Variants in NEURL1 observed in about 807,000 individuals in gnomAD.
The protein encoded by NEURL1 is E3 ubiquitin-protein ligase NEURL1.
A neutral mutation model predicts 41.2 loss-of-function variants in NEURL1; 26 were observed. The ratio of observed to expected loss-of-function variants is 0.63; its 90% CI spans 0.46 to 0.87. The LOEUF (loss-of-function observed/expected upper bound fraction) is 0.87, where lower values mean the gene tolerates loss of function less well. NEURL1 is among the 40% of genes least tolerant of loss of function. The probability of loss-of-function intolerance (pLI) is 0.00; values close to 1 mark genes in which losing one functional copy is unlikely to be tolerated. For missense variants in NEURL1, 761 were observed against 871.1 expected (o/e 0.87, Z 1.59); for synonymous variants, 400 against 402.3 (o/e 0.99, Z 0.07).
chr10:103,533,824 C>A (rs2034634037), intron 1 of NEURL1, among the ~76,000 whole-genome samples: 1 of 152,234 alleles, frequency 6.6e-6, no homozygotes, highest in Admixed American at 6.5e-5. Context: ...GCTTGAGCCA[C>A]CGCTCCCGGC....
At chr10:103,575,058 C>T (rs2035631145) in intron 3 of NEURL1, among the ~76,000 whole-genome samples, 3 of 151,496 alleles carry the variant, frequency 2.0e-5, no homozygotes, top group South Asian at 4.2e-4. Context: ...CTGAGGTGGG[C>T]GTGATCTCTC....
rs536582139 is a variant in NEURL1 at position 103,533,771 on chromosome 10, T to C, written c.86-37101T>C. 2.8e-3 allele frequency among the ~76,000 whole-genome samples: 427 copies of C among 152,106 alleles called. 3 individuals are homozygous for C. Among genetic ancestry groups the C allele is most frequent in the Middle Eastern group, 6.8e-3 (2 of 292 alleles). On this transcript the variant is annotated intron_variant, in intron 1 of 5. Coordinates refer to ENST00000369780, the MANE Select transcript of NEURL1 (RefSeq NM_004210.5). The stretch of plus-strand genomic sequence containing the variant: ...CAGGATGGTCTCGATCTGCTGACCT[T>C]CTGATCCGCCCGCCTTGGCCTCCCA...
At chr10:103,522,378 TGAGCG>T (rs2034369578) in intron 1 of NEURL1, among the ~76,000 whole-genome samples, 6 of 151,250 alleles carry the variant, frequency 4.0e-5, no homozygotes, top group African/African-American at 1.5e-4. Context: ...GAAGCCGAGG[TGAGCG>T]GGTCACCTGA....
At chr10:103,521,283 AG>A (rs2034342932) in intron 1 of NEURL1, among the ~76,000 whole-genome samples, 1 of 152,156 alleles carries the variant, frequency 6.6e-6, no homozygotes, top group Non-Finnish European at 1.5e-5. Context: ...GGCCAAACCG[AG>A]GAATTATGTC....
chr10:103,559,391 G>A (rs369975200), intron 1 of NEURL1, among the ~76,000 whole-genome samples: 3 of 152,290 alleles, frequency 2.0e-5, no homozygotes, highest in South Asian at 4.1e-4. Flanking sequence ...CAGATGCTGG[G>A]TCAGTGGGTA....
At chr10:103,529,238 G>C (rs1456459991) in intron 1 of NEURL1, among the ~76,000 whole-genome samples, 1 of 152,084 alleles carries the variant, frequency 6.6e-6, no homozygotes, top group Non-Finnish European at 1.5e-5. Context: ...TGCCATATAG[G>C]CACCTTTTAA....
chr10:103,580,418 C>G (rs2035761824), intron 3 of NEURL1, among the ~76,000 whole-genome samples: 2 of 152,122 alleles, frequency 1.3e-5, no homozygotes, highest in Admixed American at 6.5e-5. Flanking sequence ...GAGAGGTTGC[C>G]CATCTGGTTT....
At chr10:103,495,551 T>C (rs898991076) in intron 1 of NEURL1, among the ~76,000 whole-genome samples, 2 of 152,214 alleles carry the variant, frequency 1.3e-5, no homozygotes, top group Non-Finnish European at 2.9e-5. Flanking sequence ...AAGGCTTGCT[T>C]CAGGTTCCCA....
chr10:103,571,381 G>C, intron 2 of NEURL1, 120 bp from the exon 3 acceptor site: 1 of 1,148,692 alleles, frequency 8.7e-7, no homozygotes, highest in Non-Finnish European at 1.2e-6. Context: ...GGAGGGAACT[G>C]TGCTGGAATG....
intron 1 of NEURL1, among the ~76,000 whole-genome samples, chr10:103,514,379 C>T (rs190179226): frequency 1.1e-4 from 16 of 152,192 alleles, no homozygotes; most frequent in Admixed American, 8.5e-4. Flanking sequence ...TGCCATGGAC[C>T]GCGTCCCCGG....
chr10:103,494,455 AC>A lies in NEURL1; in HGVS notation c.73del (p.Gln25ArgfsTer84). 1 of 1,589,398 alleles carries A rather than the reference AC, an allele frequency of 6.3e-7. No individual in the cohort carries two copies. The highest frequency in any genetic ancestry group is 1.1e-5 in the South Asian group (1 of 87,726). ...RGNPSRAPRG[H>X]PQNLKDSIGG... ...AACCCGAGCCGCGCGCCGCGGGGCC[AC>A]CCCCAGAACCTCAAAGGTAGGCTCC... On this transcript the variant is annotated frameshift_variant, in exon 1 of 6. Transcript: ENST00000369780. LOFTEE classifies it high-confidence loss of function.
chr10:103,571,711 C>T lies in NEURL1; in HGVS notation c.538C>T (p.His180Tyr), dbSNP rs1311153376. ...FWVDKKGRVF[H>Y]RINDSAVMLF... ...GGTGGACAAGAAGGGCCGTGTCTTC[C>T]ACCGCATCAACGACTCGGCTGTTAT... is the stretch of plus-strand genomic sequence containing the variant. Residue 180 changes from histidine (H) to tyrosine (Y), a missense_variant, in exon 3 of 6, where the codon CAC (histidine) becomes TAC (tyrosine). His to Tyr is a moderately conservative substitution (Grantham distance 83, BLOSUM62 2). Around this residue, in one of 5 missense-constraint regions of NEURL1, gnomAD observed 114 missense variants for 144.8 expected, o/e 0.79. Transcript: ENST00000369780. 4 of 1,614,242 alleles carry T rather than the reference C, an allele frequency of 2.5e-6. No homozygotes were observed. The highest frequency in any genetic ancestry group is 2.2e-5 in the East Asian group (1 of 44,886).
At chr10:103,586,577 GTAGT>G (rs1370864655) in intron 4 of NEURL1, among the ~76,000 whole-genome samples, 2 of 152,184 alleles carry the variant, frequency 1.3e-5, no homozygotes, top group Non-Finnish European at 1.5e-5. Context: ...TGAGCATGAG[GTAGT>G]TACTCTATGA....
rs901377724 is a variant in NEURL1 at position 103,556,898 on chromosome 10, T to C, written c.86-13974T>C. Among the ~76,000 whole-genome samples the C allele has an allele frequency of 1.3e-5, 2 of 152,136 alleles. No homozygotes were observed. The highest frequency in any genetic ancestry group is 4.8e-5 in the African/African-American group (2 of 41,450). ...TCTGGAGCCGACTGGCATTTTCCAC[T>C]GGAGTCAGACTTGGGCAAGCCTGTG... is the stretch of plus-strand genomic sequence containing the variant. On this transcript the variant is annotated intron_variant, in intron 1 of 5. Transcript: ENST00000369780. This position sits in a 1 kb window ranked among gnomAD's most constrained non-coding sequence, Gnocchi z 4.4.
At position 103,584,688 on chromosome 10, in the gene NEURL1, G is replaced by T. The variant is rs1458972198; in HGVS notation, c.802G>T (p.Ala268Ser). The T allele has an allele frequency of 7.0e-7, 1 of 1,433,628 alleles. No homozygotes were observed. The highest frequency in any genetic ancestry group is 1.8e-4 in the Middle Eastern group (1 of 5,484). The allele number at this position is 1,433,628 out of a possible 1,614,324, so 88.8% of individuals were successfully genotyped here. A position where few individuals can be genotyped will look rare whatever the true frequency, so the allele number is the denominator to read the frequency against. The change falls in exon 4 of 6, where the codon GCC becomes TCC. Residue 268 changes from alanine to serine, a missense_variant. Ala to Ser is a moderately conservative substitution (Grantham distance 99). Around this residue, in one of 5 missense-constraint regions of NEURL1, gnomAD observed 443 missense variants for 408.1 expected, o/e 1.09. Coordinates refer to ENST00000369780, the MANE Select transcript of NEURL1 (RefSeq NM_004210.5). ...CGCGGACGGCGACGAGGCCGCGCCG[G>T]CCGCCGGCTGCCCCATCCCGCAGAA... ...PGADGDEAAPAAGCPIPQNSL... is the reference protein window; with the variant it reads ...PGADGDEAAPSAGCPIPQNSL...
At chr10:103,543,799 G>A (rs1234579157) in intron 1 of NEURL1, among the ~76,000 whole-genome samples, 1 of 152,126 alleles carries the variant, frequency 6.6e-6, no homozygotes, top group Non-Finnish European at 1.5e-5. Context: ...AGTGTTTGTG[G>A]GACCAGTGCC....
At chr10:103,551,148 C>T (rs1301202733) in intron 1 of NEURL1, among the ~76,000 whole-genome samples, 1 of 152,118 alleles carries the variant, frequency 6.6e-6, no homozygotes, top group Non-Finnish European at 1.5e-5. Flanking sequence ...TTTTACACCC[C>T]TGGCTTCTGC....
rs1346444343 is a variant in NEURL1 at position 103,570,958 on chromosome 10, C to G, written c.172C>G (p.Leu58Val). The G allele has an allele frequency of 1.2e-6, 2 of 1,613,992 alleles. No individual in the cohort carries two copies. The highest frequency in any genetic ancestry group is 1.7e-6 in the Non-Finnish European group (2 of 1,180,028). Residue 58 changes from leucine to valine, a missense_variant, in exon 2 of 6, where the codon CTC becomes GTC. Physicochemically the swap from Leu to Val is conservative, Grantham distance 32 (BLOSUM62 1). Coordinates refer to ENST00000369780, the MANE Select transcript of NEURL1 (RefSeq NM_004210.5). Reference sequence around the variant, plus strand: ...TCCGGCAGTGCTGCCCAGCGGGGGGCTCCCAGCCACGCCGCTGCTCTTCCA... The same window carrying G: ...TCCGGCAGTGCTGCCCAGCGGGGGGGTCCCAGCCACGCCGCTGCTCTTCCA... The part of the protein sequence containing the change: ...HCPAVLPSGG[L>V]PATPLLFHPH...
At chr10:103,562,837 G>T (rs2035333055) in intron 1 of NEURL1, among the ~76,000 whole-genome samples, 1 of 152,256 alleles carries the variant, frequency 6.6e-6, no homozygotes, top group Non-Finnish European at 1.5e-5. Context: ...TCCCAGCACA[G>T]AAATGGGCCT....
Sources: allele counts gnomAD v4.1 joint callset (sites outside exome capture counted in the v4.1 genomes callset), GRCh38; gene constraint gnomAD v4.1.1; regional missense constraint gnomAD v4.1.1; non-coding constraint Gnocchi (gnomAD v3.1); transcripts MANE v1.5; gene names NCBI Gene and HGNC (gene_info 2026-07-23, HGNC 2026-07-21).